The following THSD4 variants were observed in gnomAD, a reference collection of about 807,000 sequenced individuals.
The protein encoded by THSD4 is thrombospondin type 1 domain containing 4.
Under a neutral mutation model 119.0 loss-of-function variants are expected in THSD4, and 69 were observed. The observed-to-expected ratio is 0.58, with a 90% CI of 0.48 to 0.71. The LOEUF is 0.71. THSD4 is among the 30% of genes least tolerant of loss of function. The pLI is 0.00. For synonymous variants in THSD4, 524 were observed against 540.4 expected (o/e 0.97, Z 0.42); for missense variants, 1,393 against 1,391.1 (o/e 1.00, Z -0.02).
At chr15:71,490,824 TAA>T (rs2047907324) in intron 7 of THSD4, among the ~76,000 whole-genome samples, 1 of 152,176 alleles carries the variant, frequency 6.6e-6, no homozygotes, top group African/African-American at 2.4e-5. Flanking sequence ...GTTTCGGAAA[TAA>T]AGTTTTATTA....
chr15:71,259,666 G>T (rs1267283386), intron 6 of THSD4, among the ~76,000 whole-genome samples: 1 of 152,152 alleles, frequency 6.6e-6, no homozygotes, highest in Admixed American at 6.5e-5. Flanking sequence ...CCTCCCCAGC[G>T]ATTGTGATTT....
intron 8 of THSD4, 34 bp from the exon 9 acceptor site, chr15:71,728,515 C>T (rs1485030666): frequency 1.2e-6 from 2 of 1,609,438 alleles, no homozygotes; most frequent in African/African-American, 2.7e-5. Flanking sequence ...ACACCCTGGG[C>T]TTACCCAAAG....
chr15:71,683,940 C>G (rs1421785278), intron 8 of THSD4, among the ~76,000 whole-genome samples: 4 of 152,172 alleles, frequency 2.6e-5, no homozygotes, highest in Non-Finnish European at 5.9e-5. Context: ...CACCACTGCA[C>G]TCTAGCCTGG....
At chr15:71,420,891 A>C (rs2046797834) in intron 7 of THSD4, among the ~76,000 whole-genome samples, 1 of 105,488 alleles carries the variant, frequency 9.5e-6, no homozygotes, top group Non-Finnish European at 2.1e-5. Flanking sequence ...CTTTCTACTT[A>C]AGGTAAGAGT....
chr15:71,447,587 A>T (rs1468094673), intron 7 of THSD4, among the ~76,000 whole-genome samples: 1 of 152,210 alleles, frequency 6.6e-6, no homozygotes, highest in Non-Finnish European at 1.5e-5. Flanking sequence ...TCGAGGTAGG[A>T]CTGTCTTTTA....
At chr15:71,331,300 A>T (rs1457627327) in intron 6 of THSD4, among the ~76,000 whole-genome samples, 1 of 152,168 alleles carries the variant, frequency 6.6e-6, no homozygotes, top group African/African-American at 2.4e-5. Flanking sequence ...GAAAATTTGG[A>T]TGTGGATACA....
chr15:71,471,149 C>A (rs1323196027), intron 7 of THSD4, among the ~76,000 whole-genome samples: 1 of 152,148 alleles, frequency 6.6e-6, no homozygotes, highest in Non-Finnish European at 1.5e-5. Flanking sequence ...GACTTTGCTG[C>A]TCTCCTCCCA....
chr15:71,371,230 C>G (rs2046042062), intron 6 of THSD4, among the ~76,000 whole-genome samples: 1 of 152,170 alleles, frequency 6.6e-6, no homozygotes, highest in African/African-American at 2.4e-5. Flanking sequence ...GACTCTTTAT[C>G]CAGTTTGCCA....
At chr15:71,347,762 A>G (rs1466049350) in intron 6 of THSD4, among the ~76,000 whole-genome samples, 1 of 152,220 alleles carries the variant, frequency 6.6e-6, no homozygotes, top group Non-Finnish European at 1.5e-5. Flanking sequence ...ACCATGTTGG[A>G]CAGTGTAGAT....
intron 6 of THSD4, among the ~76,000 whole-genome samples, chr15:71,284,234 C>T (rs2044688141): frequency 6.6e-6 from 1 of 152,054 alleles, no homozygotes; most frequent in East Asian, 1.9e-4. Flanking sequence ...TTTTATATTC[C>T]TTGCTATTGA....
intron 6 of THSD4, among the ~76,000 whole-genome samples, chr15:71,377,903 CACACACA>C (rs2046168881): frequency 1.1e-5 from 1 of 88,268 alleles, no homozygotes; most frequent in African/African-American, 4.7e-5. Context: ...CACACACACA[CACACACA>C]CACAATTTCC....
chr15:71,738,487 G>A (rs2053171508), intron 11 of THSD4, among the ~76,000 whole-genome samples: 1 of 152,146 alleles, frequency 6.6e-6, no homozygotes, highest in South Asian at 2.1e-4. Context: ...TTTAATGATT[G>A]GCTCAAAGGG....
intron 10 of THSD4, among the ~76,000 whole-genome samples, chr15:71,735,468 CTCTT>C (rs55744840): frequency 0.057 from 8,627 of 151,678 alleles, 268 homozygotes; most frequent in South Asian, 0.15. Flanking sequence ...CTCTCTCTCT[CTCTT>C]TCTCACTAGC....
At chr15:71,331,499 C>T (rs544661353) in intron 6 of THSD4, among the ~76,000 whole-genome samples, 1 of 152,308 alleles carries the variant, frequency 6.6e-6, no homozygotes, top group South Asian at 2.1e-4. Flanking sequence ...AATGCAAAAA[C>T]CTGCTGTGGC....
intron 6 of THSD4, among the ~76,000 whole-genome samples, chr15:71,406,345 G>A (rs1365524027): frequency 6.6e-6 from 1 of 152,078 alleles, no homozygotes; most frequent in Admixed American, 6.5e-5. Flanking sequence ...CTGTTGGGAG[G>A]AGTATTCTAT....
At chr15:71,209,571 T>C (rs946385270) in intron 3 of THSD4, among the ~76,000 whole-genome samples, 5 of 152,260 alleles carry the variant, frequency 3.3e-5, no homozygotes, top group Non-Finnish European at 5.9e-5. Context: ...CATCCAATGT[T>C]AACTTCATCT....
chr15:71,278,658 C>T (rs550884267), intron 6 of THSD4, among the ~76,000 whole-genome samples: 1 of 152,126 alleles, frequency 6.6e-6, no homozygotes, highest in African/African-American at 2.4e-5. Context: ...CTTGACTAGT[C>T]TCTGATGGGG....
chr15:71,454,975 ATCT>A (rs2047317690), intron 7 of THSD4, among the ~76,000 whole-genome samples: 1 of 152,152 alleles, frequency 6.6e-6, no homozygotes, highest in South Asian at 2.1e-4. Flanking sequence ...TTCAACATGA[ATCT>A]TCTCTGATTT....
chr15:71,665,525 G>A (rs539745649), intron 8 of THSD4, among the ~76,000 whole-genome samples: 101 of 152,226 alleles, frequency 6.6e-4, no homozygotes, highest in Middle Eastern at 3.4e-3. Flanking sequence ...GTCAATTTTA[G>A]CTTTTGTTTC....
Sources: allele counts gnomAD v4.1 joint callset (sites outside exome capture counted in the v4.1 genomes callset), GRCh38; gene constraint gnomAD v4.1.1; transcripts MANE v1.5; gene names NCBI Gene and HGNC (gene_info 2026-07-23, HGNC 2026-07-21).